The following UGT3A1 variants were observed in gnomAD, a reference collection of about 807,000 sequenced individuals.
UGT3A1 encodes the protein UDP-glycosyltransferase 3A1.
UGT3A1 carries 40 observed loss-of-function variants against 37.6 expected under a neutral mutation model. The ratio of observed to expected loss-of-function variants is 1.06; its 90% CI spans 0.83 to 1.38. UGT3A1 has a LOEUF of 1.38. Ranked by LOEUF, UGT3A1 falls within the 40% of genes most tolerant of loss-of-function variation. The probability of loss-of-function intolerance (pLI) is 0.00; values close to 1 mark genes in which losing one functional copy is unlikely to be tolerated. For missense variants in UGT3A1, 642 were observed against 634.2 expected, an observed-to-expected ratio of 1.01 and a Z score of -0.13; for synonymous variants, 256 against 232.3, an observed-to-expected ratio of 1.10 and a Z score of -0.93.
In UGT3A1 at chr5:35,957,400, G is replaced by T; in HGVS notation, c.863C>A (p.Ala288Asp). 1 of 1,614,088 alleles carries T rather than the reference G, an allele frequency of 6.2e-7. No individual in the cohort carries two copies. Among genetic ancestry groups the T allele is most frequent in the Non-Finnish European group, 8.5e-7 (1 of 1,180,008 alleles). Residue 288 changes from alanine (A) to aspartate (D), a missense_variant, in exon 5 of 7, where the codon GCC (alanine) becomes GAC (aspartate). Physicochemically the swap from Ala to Asp is moderately radical, Grantham distance 126 (BLOSUM62 -2). Coordinates refer to ENST00000274278, the MANE Select transcript of UGT3A1 (RefSeq NM_152404.4). ...PVPQDLDNFIANFGDAGFVLV... is the reference protein window; with the variant it reads ...PVPQDLDNFIDNFGDAGFVLV... Reference sequence around the variant, plus strand: ...GACAAACCCTGCATCCCCAAAGTTGGCAATGAAGTTGTCCAAGTCCTAGAG... The same window carrying T: ...GACAAACCCTGCATCCCCAAAGTTGTCAATGAAGTTGTCCAAGTCCTAGAG...
In UGT3A1 at chr5:35,965,828, A is replaced by G. The variant is rs1739787156; in HGVS notation, c.401T>C (p.Leu134Ser). 1.2e-6 allele frequency: 2 copies of G among 1,613,986 alleles called. No homozygotes were observed. Among genetic ancestry groups the G allele is most frequent in the Non-Finnish European group, 8.5e-7 (1 of 1,180,014 alleles). Reference sequence around the variant, plus strand: ...TACCAGATCATAGTTCTCATTCTTTAAGGAATCCATTATATCCTTTCTGCT... The same window carrying G: ...TACCAGATCATAGTTCTCATTCTTTGAGGAATCCATTATATCCTTTCTGCT... ...LLSRKDIMDS[L>S]KNENYDLVFV... Residue 134 changes from leucine to serine, a missense_variant, in exon 4 of 7, where the codon TTA becomes TCA. Leu to Ser is a moderately radical substitution (Grantham distance 145). Coordinates refer to ENST00000274278, the MANE Select transcript of UGT3A1 (RefSeq NM_152404.4).
At chr5:35,973,953 G>A (rs1319132111) in intron 2 of UGT3A1, among the ~76,000 whole-genome samples, 2 of 152,140 alleles carry the variant, frequency 1.3e-5, no homozygotes, top group African/African-American at 4.8e-5. Context: ...AAGATGAGCA[G>A]TTTACAAAAT....
At chr5:35,983,586 A>G (rs749515346) in intron 2 of UGT3A1, among the ~76,000 whole-genome samples, 27 of 152,146 alleles carry the variant, frequency 1.8e-4, no homozygotes, top group Non-Finnish European at 3.5e-4. Flanking sequence ...AGACAAGGGC[A>G]TAATAAGAAA....
intron 2 of UGT3A1, among the ~76,000 whole-genome samples, chr5:35,986,144 A>G (rs1174882115): frequency 6.6e-6 from 1 of 152,174 alleles, no homozygotes; most frequent in Admixed American, 6.5e-5. Context: ...ATATCATCTC[A>G]TCACAGTTAA....
chr5:35,980,430 C>G (rs2149982135), intron 2 of UGT3A1, among the ~76,000 whole-genome samples: 1 of 152,264 alleles, frequency 6.6e-6, no homozygotes, highest in Non-Finnish European at 1.5e-5. Flanking sequence ...TCAGAGAAAA[C>G]AAGGCAGACA....
At chr5:35,963,662 C>A (rs1261599313) in intron 4 of UGT3A1, among the ~76,000 whole-genome samples, 1 of 152,230 alleles carries the variant, frequency 6.6e-6, no homozygotes, top group African/African-American at 2.4e-5. Flanking sequence ...TCAGGCCAGG[C>A]TGAACTCCTT....
At chr5:35,957,810 T>G (rs1370700882) in intron 4 of UGT3A1, among the ~76,000 whole-genome samples, 1 of 152,234 alleles carries the variant, frequency 6.6e-6, no homozygotes, top group African/African-American at 2.4e-5. Context: ...TTGGGGAATA[T>G]TCTGTGTGCA....
intron 2 of UGT3A1, 29 bp from the exon 3 acceptor site, chr5:35,968,162 T>C (rs1388147300): frequency 3.7e-6 from 5 of 1,358,990 alleles, no homozygotes; most frequent in Non-Finnish European, 5.2e-6. Context: ...GTTAAAAAGG[T>C]AAATATATCA....
chr5:35,954,273 A>G lies in UGT3A1; in HGVS notation c.1501T>C (p.Trp501Arg). Residue 501 changes from tryptophan (W) to arginine (R), a missense_variant, in exon 7 of 7, where the codon TGG (tryptophan) becomes CGG (arginine). Physicochemically the swap from Trp to Arg is moderately radical, Grantham distance 101. Coordinates refer to ENST00000274278, the MANE Select transcript of UGT3A1 (RefSeq NM_152404.4). ...FLLGLTLGTMWLCGKLLGVVA... is the reference protein window; with the variant it reads ...FLLGLTLGTMRLCGKLLGVVA... Reference sequence around the variant, plus strand: ...ACACCCAGCAGCTTCCCACAAAGCCACATAGTGCCCAGAGTGAGCCCCAGC... The same window carrying G: ...ACACCCAGCAGCTTCCCACAAAGCCGCATAGTGCCCAGAGTGAGCCCCAGC... The G allele has an allele frequency of 2.5e-6, 4 of 1,614,202 alleles. No individual in the cohort carries two copies. The highest frequency in any genetic ancestry group is 3.4e-6 in the Non-Finnish European group (4 of 1,180,038).
chr5:35,992,603 A>G (rs1740984798), upstream of UGT3A1, among the ~76,000 whole-genome samples: 1 of 152,190 alleles, frequency 6.6e-6, no homozygotes, highest in Non-Finnish European at 1.5e-5. Context: ...GGCTAAACAC[A>G]ATAAGAAATG....
At chr5:35,990,154 T>C (rs1185046984) in intron 1 of UGT3A1, among the ~76,000 whole-genome samples, 1 of 151,684 alleles carries the variant, frequency 6.6e-6, no homozygotes, top group Non-Finnish European at 1.5e-5. Flanking sequence ...GAAGTTGTGG[T>C]GAGCGTGGTC....
intron 2 of UGT3A1, among the ~76,000 whole-genome samples, chr5:35,980,016 A>T (rs1389543361): frequency 2.0e-5 from 3 of 152,182 alleles, no homozygotes; most frequent in Admixed American, 6.5e-5. Context: ...ATTACTTCCC[A>T]CCAGGTTTCT....
chr5:35,991,723 GA>G, upstream of UGT3A1: 1 of 820,814 alleles, frequency 1.2e-6, no homozygotes, highest in Non-Finnish European at 1.5e-6. Context: ...ATTTTCCCCA[GA>G]AACCTGCTGA....
chr5:35,968,739 C>T (rs1284758449), intron 2 of UGT3A1, among the ~76,000 whole-genome samples: 3 of 152,120 alleles, frequency 2.0e-5, no homozygotes, highest in African/African-American at 7.2e-5. Flanking sequence ...AGCCCCAGCT[C>T]CTACTTCACT....
intron 2 of UGT3A1, among the ~76,000 whole-genome samples, chr5:35,973,917 T>C (rs1740153766): frequency 6.6e-6 from 1 of 152,198 alleles, no homozygotes; most frequent in Non-Finnish European, 1.5e-5. Flanking sequence ...ATTAGCTAAT[T>C]AATCATGGCA....
chr5:35,969,024 A>T (rs1739930750), intron 2 of UGT3A1, among the ~76,000 whole-genome samples: 1 of 152,174 alleles, frequency 6.6e-6, no homozygotes, highest in African/African-American at 2.4e-5. Flanking sequence ...GCTGTGGTTG[A>T]CAGTAACTCA....
intron 4 of UGT3A1, among the ~76,000 whole-genome samples, chr5:35,960,434 C>T (rs1045832133): frequency 6.6e-6 from 1 of 152,160 alleles, no homozygotes; most frequent in African/African-American, 2.4e-5. Context: ...CCTGACCCCC[C>T]CTCACAGGGT....
intron 6 of UGT3A1, chr5:35,954,754 C>A: frequency 2.1e-6 from 1 of 469,808 alleles, no homozygotes; most frequent in South Asian, 3.2e-5. Context: ...TAGTCCATAT[C>A]CCTAGGATGC....
chr5:35,961,207 T>C (rs1739568099), intron 4 of UGT3A1: 1 of 152,150 alleles, frequency 6.6e-6, no homozygotes, highest in African/African-American at 2.4e-5. Flanking sequence ...CAAATCTAAC[T>C]GCCATTAGAA....
Sources: allele counts gnomAD v4.1 joint callset (sites outside exome capture counted in the v4.1 genomes callset), GRCh38; gene constraint gnomAD v4.1.1; transcripts MANE v1.5; gene names NCBI Gene and HGNC (gene_info 2026-07-23, HGNC 2026-07-21).